PI4K2A: variants seen among roughly 807,000 people sequenced by gnomAD.
PI4K2A encodes the protein phosphatidylinositol 4-kinase type 2 alpha.
A neutral mutation model predicts 55.0 loss-of-function variants in PI4K2A; 20 were observed. The ratio of observed to expected loss-of-function variants is 0.36; its 90% CI spans 0.26 to 0.53. PI4K2A has a LOEUF of 0.53. Ranked by LOEUF, PI4K2A falls within the 20% of genes least tolerant of loss-of-function variation. PI4K2A has a pLI of 0.91. For missense variants in PI4K2A, 463 were observed against 637.1 expected, an observed-to-expected ratio of 0.73 and a Z score of 2.94; for synonymous variants, 235 against 258.5, an observed-to-expected ratio of 0.91 and a Z score of 0.87.
exon 1 of PI4K2A, chr10:97,640,744 T>A: frequency 6.7e-7 from 1 of 1,500,796 alleles, no homozygotes; most frequent in Non-Finnish European, 8.9e-7. Context: ...GTCTGAGGGA[T>A]GGACGAGACG....
exon 9 of PI4K2A, chr10:97,673,790 G>T (rs1179114154): frequency 4.4e-6 from 7 of 1,579,612 alleles, no homozygotes; most frequent in Non-Finnish European, 6.1e-6. Flanking sequence ...GTGGGAGGAA[G>T]CCTGGGGAGT....
chr10:97,663,976 C>A (rs990834048), intron 5 of PI4K2A, among the ~76,000 whole-genome samples: 2 of 152,084 alleles, frequency 1.3e-5, no homozygotes, highest in African/African-American at 4.8e-5. Context: ...ACTACAGGCG[C>A]AAAAGTTGTT....
At chr10:97,663,799 G>A (rs2041597638) in intron 5 of PI4K2A, among the ~76,000 whole-genome samples, 2 of 142,010 alleles carry the variant, frequency 1.4e-5, no homozygotes, top group Admixed American at 1.4e-4. Flanking sequence ...CAGCCCAGAC[G>A]ACAGAGCAAG....
At chr10:97,644,012 T>C (rs1415257961) in intron 1 of PI4K2A, among the ~76,000 whole-genome samples, 4 of 152,172 alleles carry the variant, frequency 2.6e-5, no homozygotes, top group Non-Finnish European at 5.9e-5. Context: ...GTGGAGTTCA[T>C]GTTCTCACCA....
intron 1 of PI4K2A, among the ~76,000 whole-genome samples, chr10:97,646,832 T>C (rs892707664): frequency 3.3e-5 from 5 of 151,968 alleles, no homozygotes; most frequent in African/African-American, 1.2e-4. Flanking sequence ...TGGAGTGCAG[T>C]GGTGTGATCT....
chr10:97,666,863 A>C (rs1223327585), intron 7 of PI4K2A, among the ~76,000 whole-genome samples, 198 bp from the exon 8 acceptor site: 1 of 152,138 alleles, frequency 6.6e-6, no homozygotes, highest in Non-Finnish European at 1.5e-5. Context: ...CTAGAGTTTG[A>C]GATGCAGAGG....
chr10:97,644,474 A>C (rs2041494509), intron 1 of PI4K2A, among the ~76,000 whole-genome samples: 1 of 152,228 alleles, frequency 6.6e-6, no homozygotes, highest in Admixed American at 6.5e-5. Context: ...AGGTTCATTT[A>C]CACCTCATGT....
intron 4 of PI4K2A, among the ~76,000 whole-genome samples, chr10:97,658,681 TTC>T (rs1315951922): frequency 2.0e-5 from 3 of 152,224 alleles, no homozygotes; most frequent in African/African-American, 7.2e-5. Context: ...TCCTTCCAAT[TTC>T]TCACCAGCAC....
At chr10:97,644,695 C>T (rs2041495546) in intron 1 of PI4K2A, among the ~76,000 whole-genome samples, 1 of 152,218 alleles carries the variant, frequency 6.6e-6, no homozygotes, top group Non-Finnish European at 1.5e-5. Context: ...GAATATGCCC[C>T]CATCCTTTAA....
chr10:97,656,911 A>T lies in PI4K2A; in HGVS notation c.859A>T (p.Asn287Tyr). 6.2e-7 allele frequency: 1 copy of T among 1,614,158 alleles called. No individual in the cohort carries two copies. Among genetic ancestry groups the T allele is most frequent in the Non-Finnish European group, 8.5e-7 (1 of 1,180,006 alleles). ...AGCAGAACCTCTTCCTGAGAACACTAACCGGCAACTACTGCTCCAGTTTGA... is the reference window on the plus strand; with the variant it reads ...AGCAGAACCTCTTCCTGAGAACACTTACCGGCAACTACTGCTCCAGTTTGA... The change falls in exon 4 of 9, where the codon AAC (asparagine) becomes TAC (tyrosine). Residue 287 changes from asparagine (N) to tyrosine (Y), a missense_variant. Physicochemically the swap from Asn to Tyr is moderately radical, Grantham distance 143. Coordinates refer to ENST00000370631, the Ensembl canonical transcript of PI4K2A. This position sits in a 1 kb window ranked among gnomAD's most constrained non-coding sequence, Gnocchi z 4.5.
exon 9 of PI4K2A, chr10:97,676,062 CCA>C (rs1371978023): frequency 6.6e-6 from 1 of 152,356 alleles, no homozygotes; most frequent in Non-Finnish European, 1.5e-5. Flanking sequence ...CCTTTTTTGT[CCA>C]GTTTCTTTGG....
chr10:97,662,390 T>G (rs2041589074), intron 4 of PI4K2A, among the ~76,000 whole-genome samples: 1 of 152,210 alleles, frequency 6.6e-6, no homozygotes, highest in Non-Finnish European at 1.5e-5. Context: ...AAATCCTGTC[T>G]GGAGGAAGAT....
chr10:97,672,796 A>C (rs540608381), intron 8 of PI4K2A, among the ~76,000 whole-genome samples: 12 of 127,428 alleles, frequency 9.4e-5, no homozygotes, highest in East Asian at 2.3e-4. Context: ...CGGTGACATG[A>C]TCTCAGCTCA....
At chr10:97,646,605 A>G (rs1256627477) in intron 1 of PI4K2A, among the ~76,000 whole-genome samples, 1 of 152,246 alleles carries the variant, frequency 6.6e-6, no homozygotes, top group Non-Finnish European at 1.5e-5. Context: ...AGACTTTTAT[A>G]AAAGGTAATT....
intron 8 of PI4K2A, among the ~76,000 whole-genome samples, chr10:97,669,834 A>G (rs1202618562): frequency 6.6e-6 from 1 of 152,134 alleles, no homozygotes; most frequent in African/African-American, 2.4e-5. Context: ...AGAAGTTGTT[A>G]CTCAACTTAA....
chr10:97,644,608 A>C (rs574795947), intron 1 of PI4K2A, among the ~76,000 whole-genome samples: 1 of 152,146 alleles, frequency 6.6e-6, no homozygotes, highest in Admixed American at 6.5e-5. Flanking sequence ...CTTCTACTAC[A>C]TGGTCCAAGA....
intron 1 of PI4K2A, among the ~76,000 whole-genome samples, chr10:97,642,648 C>G (rs1463147187): frequency 6.6e-6 from 1 of 151,940 alleles, no homozygotes; most frequent in African/African-American, 2.4e-5. Flanking sequence ...CTCGGCCTCC[C>G]AAAGCGCTGG....
intron 4 of PI4K2A, among the ~76,000 whole-genome samples, chr10:97,658,477 G>A (rs561319553): frequency 2.2e-4 from 34 of 152,168 alleles, no homozygotes; most frequent in African/African-American, 6.5e-4. Context: ...TAGCTATTAC[G>A]AACAATGCTA....
chr10:97,657,203 T>C (rs548649013), intron 4 of PI4K2A, among the ~76,000 whole-genome samples: 2 of 152,200 alleles, frequency 1.3e-5, no homozygotes, highest in African/African-American at 4.8e-5. Flanking sequence ...AGTACTCTTA[T>C]CCTTGATCCC....
Sources: allele counts gnomAD v4.1 joint callset (sites outside exome capture counted in the v4.1 genomes callset), GRCh38; gene constraint gnomAD v4.1.1; non-coding constraint Gnocchi (gnomAD v3.1); transcripts MANE v1.5; gene names NCBI Gene and HGNC (gene_info 2026-07-23, HGNC 2026-07-21).